Variants in THUMPD1 observed in about 807,000 individuals in gnomAD.
THUMPD1 encodes THUMP domain 1 NAT10 acetyltransferase adaptor, also known as THUMP domain-containing protein 1.
THUMPD1 carries 31 observed loss-of-function variants against 31.6 expected under a neutral mutation model. The observed-to-expected ratio is 0.98, with a 90% CI of 0.74 to 1.32. The LOEUF is 1.32. THUMPD1 is among the 40% of genes most tolerant of loss of function. The probability of loss-of-function intolerance (pLI) is 0.00; values close to 1 mark genes in which losing one functional copy is unlikely to be tolerated. For missense variants in THUMPD1, 446 were observed against 427.8 expected (o/e 1.04, Z -0.38); for synonymous variants, 166 against 158.2 (o/e 1.05, Z -0.37).
rs370667619 is a variant in THUMPD1 at position 20,737,045 on chromosome 16, G to T, written c.897C>A (p.Asn299Lys). The T allele has an allele frequency of 6.2e-7, 1 of 1,614,148 alleles. No homozygotes were observed. Among genetic ancestry groups the T allele is most frequent in the South Asian group, 1.1e-5 (1 of 91,072 alleles). ...LESADKSDQN[N>K]TAEGKNNQQV... ...GCTGGTTATTTTTTCCTTCTGCTGT[G>T]TTGTTTTGGTCTGATTTGTCCGCAG... The change falls in exon 4 of 4, where the codon AAC becomes AAA. Residue 299 changes from asparagine to lysine, a missense_variant. Physicochemically the swap from Asn to Lys is moderately conservative, Grantham distance 94 (BLOSUM62 0). Coordinates refer to ENST00000396083, the MANE Select transcript of THUMPD1 (RefSeq NM_017736.5).
rs937927768 is a variant in THUMPD1, at chr16:20,734,274, G to A, written c.*2606C>T. On this transcript the variant is annotated 3_prime_UTR_variant, in exon 4 of 4. Coordinates refer to ENST00000396083, the MANE Select transcript of THUMPD1 (RefSeq NM_017736.5). ...CCTTTTGTCTTGCACTATCAAAATA[G>A]AATCTTTGTCTTGGAGCAAGTCTGC... 6.6e-6 allele frequency: 1 copy of A among 152,586 alleles called. No homozygotes were observed. Among genetic ancestry groups the A allele is most frequent in the African/African-American group, 2.4e-5 (1 of 41,434 alleles). 9.5% of individuals were successfully genotyped at this position (152,586 alleles called of 1,614,324 possible).
rs1357663937 is a variant in THUMPD1 at position 20,735,514 on chromosome 16, G to A, written c.*1366C>T. The A allele has an allele frequency of 1.3e-5, 2 of 151,232 alleles. No homozygotes were observed. The highest frequency in any genetic ancestry group is 2.4e-5 in the African/African-American group (1 of 41,056). 9.4% of individuals were successfully genotyped at this position (151,232 alleles called of 1,614,324 possible). On this transcript the variant is annotated 3_prime_UTR_variant, in exon 4 of 4. Transcript: ENST00000396083. ...TGTGGAGAAAGCAGTGTGCTATAATGTCAACATCAGGATTTCTTTTTTTTT... is the reference window on the plus strand; with the variant it reads ...TGTGGAGAAAGCAGTGTGCTATAATATCAACATCAGGATTTCTTTTTTTTT...
chr16:20,740,600 C>G (rs923245953), intron 1 of THUMPD1, among the ~76,000 whole-genome samples: 6 of 152,174 alleles, frequency 3.9e-5, no homozygotes, highest in Admixed American at 1.3e-4. Context: ...TCTTTTTTAT[C>G]TAGCTCAGCA....
chr16:20,740,998 C>T (rs1055817676), intron 1 of THUMPD1, among the ~76,000 whole-genome samples: 1 of 152,184 alleles, frequency 6.6e-6, no homozygotes, highest in African/African-American at 2.4e-5. Flanking sequence ...GGCTCAGTGG[C>T]TCGCGCCTGT....
At chr16:20,741,428 A>G in intron 1 of THUMPD1, 81 bp downstream of exon 1, 3 of 1,444,546 alleles carry the variant, frequency 2.1e-6, no homozygotes, top group Non-Finnish European at 2.7e-6. Flanking sequence ...GCGCATGCCC[A>G]TACCAGCAGC....
At position 20,736,813 on chromosome 16, in the gene THUMPD1, G is replaced by GGTGGAGCCCCAGCAACATCTC. The variant is rs1400479764; in HGVS notation, c.*46_*66dup. 8.6e-5 allele frequency: 130 copies of GGTGGAGCCCCAGCAACATCTC among 1,511,558 alleles called. No individual in the cohort carries two copies. Among genetic ancestry groups the GGTGGAGCCCCAGCAACATCTC allele is most frequent in the Non-Finnish European group, 1.1e-4 (119 of 1,111,106 alleles). The allele number at this position is 1,511,558 out of a possible 1,614,324, so 93.6% of individuals were successfully genotyped here. A position where few individuals can be genotyped will look rare whatever the true frequency, so the allele number is the denominator to read the frequency against. ...AAAACTGTTTTTAGTCACAATTTAA[G>GGTGGAGCCCCAGCAACATCTC]GTGGAGCCCCAGCAACATCTCGTAG... On this transcript the variant is annotated 3_prime_UTR_variant, in exon 4 of 4. Coordinates refer to ENST00000396083, the MANE Select transcript of THUMPD1 (RefSeq NM_017736.5).
chr16:20,740,644 A>G (rs909325888), intron 1 of THUMPD1, among the ~76,000 whole-genome samples: 1 of 152,172 alleles, frequency 6.6e-6, no homozygotes, highest in Non-Finnish European at 1.5e-5. Flanking sequence ...CGAGTCCCCA[A>G]GCTAGTAGAG....
At position 20,741,044 on chromosome 16, in the gene THUMPD1, C is replaced by T. The variant is rs557695550; in HGVS notation, c.231+465G>A. Among the ~76,000 whole-genome samples the T allele has an allele frequency of 9.4e-4, 143 of 152,140 alleles. 4 individuals carry two copies. In the South Asian group the frequency reaches 0.028, roughly 30 times the overall value. ...CCTTGAGAGGCAGAGACGGGAGGATCGCTTGAGTGTAGGGTTTAGGACTAC... is the reference window on the plus strand; with the variant it reads ...CCTTGAGAGGCAGAGACGGGAGGATTGCTTGAGTGTAGGGTTTAGGACTAC... On this transcript the variant is annotated intron_variant, in intron 1 of 3. Transcript: ENST00000396083.
rs996799414 is a variant in THUMPD1 at position 20,735,960 on chromosome 16, T to C, written c.*920A>G. ...TCCTGAGATAAGTTCTGCTACTAAA[T>C]AATTTGCTTCTTAAACCTTTTGACT... On this transcript the variant is annotated 3_prime_UTR_variant, in exon 4 of 4. Transcript: ENST00000396083. 1 of 151,870 alleles carries C rather than the reference T, an allele frequency of 6.6e-6. No homozygotes were observed. The highest frequency in any genetic ancestry group is 6.5e-5 in the Admixed American group (1 of 15,276). 9.4% of individuals were successfully genotyped at this position (151,870 alleles called of 1,614,324 possible). A position where few individuals can be genotyped will look rare whatever the true frequency, so the allele number is the denominator to read the frequency against.
chr16:20,739,008 A>G lies in THUMPD1; in HGVS notation c.295T>C (p.Leu99=). 5 of 1,614,164 alleles carry G rather than the reference A, an allele frequency of 3.1e-6. No individual in the cohort carries two copies. Among genetic ancestry groups the G allele is most frequent in the Non-Finnish European group, 4.2e-6 (5 of 1,180,030 alleles). ...EGEDDDAEAA[L]KKEVGDIKAS... ...TTAATGTCACCAACTTCTTTCTTCAAGGCAGCCTCCGCATCATCATCCTCT... is the reference window on the plus strand; with the variant it reads ...TTAATGTCACCAACTTCTTTCTTCAGGGCAGCCTCCGCATCATCATCCTCT... The change falls in exon 2 of 4, where the codon TTG becomes CTG. Residue 99 remains leucine, a synonymous_variant. Transcript: ENST00000396083.
intron 3 of THUMPD1, among the ~76,000 whole-genome samples, 159 bp downstream of exon 3, chr16:20,737,549 C>A (rs1739583233): frequency 6.6e-6 from 1 of 152,096 alleles, no homozygotes; most frequent in Non-Finnish European, 1.5e-5. Flanking sequence ...TCATATCCGA[C>A]ATATTGAAAT....
At chr16:20,740,253 G>A (rs979690193) in intron 1 of THUMPD1, among the ~76,000 whole-genome samples, 13 of 152,088 alleles carry the variant, frequency 8.5e-5, no homozygotes, top group African/African-American at 2.7e-4. Context: ...AAAATTAGTC[G>A]GGCATGGTGG....
rs2079864382 is a variant in THUMPD1, at chr16:20,735,844, T to G, written c.*1036A>C. 6.6e-6 allele frequency: 1 copy of G among 152,210 alleles called. No individual in the cohort carries two copies. Among genetic ancestry groups the G allele is most frequent in the Admixed American group, 6.5e-5 (1 of 15,280 alleles). 9.4% of individuals were successfully genotyped at this position (152,210 alleles called of 1,614,324 possible). On this transcript the variant is annotated 3_prime_UTR_variant, in exon 4 of 4. Coordinates refer to ENST00000396083, the MANE Select transcript of THUMPD1 (RefSeq NM_017736.5). Reference sequence around the variant, plus strand: ...ATGACATATCATCAGTAAATCAACTTATTGAGAATAAAGTCTCTTCAACTT... The same window carrying G: ...ATGACATATCATCAGTAAATCAACTGATTGAGAATAAAGTCTCTTCAACTT...
At position 20,737,062 on chromosome 16, in the gene THUMPD1, T is replaced by C. The variant is rs751005803; in HGVS notation, c.880A>G (p.Lys294Glu). ...GKEAKLESADKSDQNNTAEGK... is the reference protein window; with the variant it reads ...GKEAKLESADESDQNNTAEGK... ...TCTGCTGTGTTGTTTTGGTCTGATT[T>C]GTCCGCAGATTCCAGTTTAGCTTCT... The change falls in exon 4 of 4, where the codon AAA becomes GAA. Residue 294 changes from lysine (K) to glutamate (E), a missense_variant. Coordinates refer to ENST00000396083, the MANE Select transcript of THUMPD1 (RefSeq NM_017736.5). The C allele has an allele frequency of 5.6e-6, 9 of 1,614,108 alleles. No individual in the cohort carries two copies. In the South Asian group the frequency reaches 8.8e-5, roughly 16 times the overall value.
intron 2 of THUMPD1, chr16:20,738,281 G>C (rs1249819485): frequency 1.6e-5 from 7 of 446,794 alleles, no homozygotes; most frequent in Non-Finnish European, 3.1e-5. Flanking sequence ...TGTAACAACA[G>C]AGTACATTAA....
intron 1 of THUMPD1, 30 bp from the exon 2 acceptor site, chr16:20,739,101 G>A: frequency 6.2e-7 from 1 of 1,610,364 alleles, no homozygotes; most frequent in Non-Finnish European, 8.5e-7. Flanking sequence ...GAGCAGAAAT[G>A]ACACAACAGC....
At position 20,737,786 on chromosome 16, in the gene THUMPD1, T is replaced by C. The variant is rs1295787668; in HGVS notation, c.577A>G (p.Lys193Glu). 1 of 1,613,986 alleles carries C rather than the reference T, an allele frequency of 6.2e-7. No homozygotes were observed. Among genetic ancestry groups the C allele is most frequent in the Non-Finnish European group, 8.5e-7 (1 of 1,179,914 alleles). ...FLEPWFKAPN[K>E]GTFQIVYKSR... ...TTGTACACAATCTGAAATGTCCCTT[T>C]GTTTGGAGCTTTAAACCAGGGTTCC... is the stretch of plus-strand genomic sequence containing the variant. Residue 193 changes from lysine to glutamate, a missense_variant, in exon 3 of 4, where the codon AAA (lysine) becomes GAA (glutamate). Lys to Glu is a moderately conservative substitution (Grantham distance 56). Coordinates refer to ENST00000396083, the MANE Select transcript of THUMPD1 (RefSeq NM_017736.5).
At chr16:20,739,127 A>AT in intron 1 of THUMPD1, 56 bp from the exon 2 acceptor site, 2 of 1,534,704 alleles carry the variant, frequency 1.3e-6, no homozygotes, top group Non-Finnish European at 1.8e-6. Context: ...TTTAAACACT[A>AT]TAAGTAATTA....
chr16:20,737,217 T>G lies in THUMPD1; in HGVS notation c.725A>C (p.Glu242Ala), dbSNP rs763768994. 6 of 1,614,138 alleles carry G rather than the reference T, an allele frequency of 3.7e-6. No individual in the cohort carries two copies. The highest frequency in any genetic ancestry group is 5.1e-6 in the Non-Finnish European group (6 of 1,180,044). Residue 242 changes from glutamate (E) to alanine (A), a missense_variant, in exon 4 of 4, where the codon GAA becomes GCA. By Grantham distance (107) the Glu-to-Ala change is moderately radical (BLOSUM62 -1). Transcript: ENST00000396083. ...CAGGCAACAGACAGCTTTGATGATTTCTACTACCACTGTGTACTGTGGATT... is the reference window on the plus strand; with the variant it reads ...CAGGCAACAGACAGCTTTGATGATTGCTACTACCACTGTGTACTGTGGATT... ...LTNPQYTVVV[E>A]IIKAVCCLSV... is the part of the protein sequence containing the mutation.
Sources: gnomAD v4.1 joint callset for allele counts (sites outside exome capture counted in the v4.1 genomes callset) on GRCh38, gnomAD v4.1.1 for gene constraint, MANE v1.5 for transcripts, NCBI Gene and HGNC (gene_info 2026-07-23, HGNC 2026-07-21) for gene names.